ST18: variants seen among roughly 807,000 people sequenced by gnomAD.
ST18 encodes the protein suppression of tumorigenicity 18 protein.
In ST18, 50 loss-of-function variants were observed where a neutral mutation model predicts 110.0. The ratio of observed to expected loss-of-function variants is 0.45; its 90% CI spans 0.36 to 0.58. The LOEUF is 0.58. Ranked by LOEUF, ST18 falls within the 20% of genes least tolerant of loss-of-function variation. The pLI, the probability that ST18 is intolerant of heterozygous loss-of-function variation, is 0.00. For missense variants in ST18, 1,306 were observed against 1,280.1 expected, an observed-to-expected ratio of 1.02 and a Z score of -0.31; for synonymous variants, 461 against 452.4, an observed-to-expected ratio of 1.02 and a Z score of -0.24.
intron 2 of ST18, among the ~76,000 whole-genome samples, chr8:52,293,913 G>A (rs978302332): frequency 9.9e-5 from 15 of 152,146 alleles, no homozygotes; most frequent in African/African-American, 3.4e-4. Context: ...ATCTCAAAGT[G>A]GAGAAAGATG....
At chr8:52,260,342 G>A (rs2094648344) in intron 2 of ST18, among the ~76,000 whole-genome samples, 2 of 152,120 alleles carry the variant, frequency 1.3e-5, no homozygotes, top group South Asian at 4.1e-4. Context: ...GATGGATAAA[G>A]TTCTTGTTCT....
chr8:52,329,874 C>T (rs543916885), intron 2 of ST18, among the ~76,000 whole-genome samples: 1 of 152,328 alleles, frequency 6.6e-6, no homozygotes, highest in Non-Finnish European at 1.5e-5. Context: ...AATATCACTA[C>T]CTCCCCTTCT....
intron 2 of ST18, among the ~76,000 whole-genome samples, chr8:52,304,005 T>TTGGCAACTTACTC (rs1171978082): frequency 6.6e-6 from 1 of 152,182 alleles, no homozygotes; most frequent in Admixed American, 6.5e-5. Context: ...TTTGGGGTGG[T>TTGGCAACTTACTC]GGGGCATCAT....
chr8:52,152,633 T>C (rs557458290), intron 15 of ST18, among the ~76,000 whole-genome samples: 14 of 152,346 alleles, frequency 9.2e-5, no homozygotes, highest in African/African-American at 1.9e-4. Context: ...AGACACTATA[T>C]TCTAGGGAAA....
chr8:52,307,080 A>T (rs1430305871), intron 2 of ST18, among the ~76,000 whole-genome samples: 2 of 152,084 alleles, frequency 1.3e-5, no homozygotes, highest in African/African-American at 4.8e-5. Flanking sequence ...GCTACTTGGG[A>T]GGTCAAGGCA....
chr8:52,128,620 A>G (rs2048012871), intron 22 of ST18, among the ~76,000 whole-genome samples: 1 of 152,154 alleles, frequency 6.6e-6, no homozygotes, highest in Non-Finnish European at 1.5e-5. Flanking sequence ...ACGTCCTACA[A>G]AGTGTGTTTT....
At chr8:52,249,084 C>T (rs2094084519) in intron 2 of ST18, among the ~76,000 whole-genome samples, 1 of 152,130 alleles carries the variant, frequency 6.6e-6, no homozygotes, top group Admixed American at 6.6e-5. Flanking sequence ...GGCAAAAGCA[C>T]CATTTCTCCA....
chr8:52,168,186 G>C (rs2063628479), intron 10 of ST18, among the ~76,000 whole-genome samples: 1 of 150,212 alleles, frequency 6.7e-6, no homozygotes, highest in African/African-American at 2.5e-5. Flanking sequence ...CCCTCAGAGA[G>C]GGGCAATGCA....
intron 3 of ST18, among the ~76,000 whole-genome samples, chr8:52,229,147 A>G (rs978785554): frequency 1.3e-5 from 2 of 152,184 alleles, no homozygotes; most frequent in Non-Finnish European, 2.9e-5. Context: ...GAATTTACTC[A>G]TAGGATTCAG....
intron 2 of ST18, among the ~76,000 whole-genome samples, chr8:52,349,916 G>A (rs1819491608): frequency 6.6e-6 from 1 of 152,184 alleles, no homozygotes; most frequent in Admixed American, 6.5e-5. Context: ...GCCCCTAGCA[G>A]GGGCTGGAGC....
chr8:52,134,996 A>G (rs1185587247), intron 19 of ST18, among the ~76,000 whole-genome samples: 1 of 152,216 alleles, frequency 6.6e-6, no homozygotes, highest in African/African-American at 2.4e-5. Context: ...GAATATTCCT[A>G]TAGGATCTCT....
At chr8:52,283,861 A>T (rs1168292393) in intron 2 of ST18, among the ~76,000 whole-genome samples, 1 of 152,148 alleles carries the variant, frequency 6.6e-6, no homozygotes, top group East Asian at 1.9e-4. Flanking sequence ...GTGAATATGG[A>T]GGAGGAAGCA....
At chr8:52,151,197 C>A (rs902042503) in intron 15 of ST18, among the ~76,000 whole-genome samples, 7 of 152,040 alleles carry the variant, frequency 4.6e-5, no homozygotes, top group African/African-American at 7.3e-5. Context: ...AACAACCCCC[C>A]ACTCCCAACC....
chr8:52,125,475 G>T, intron 23 of ST18, among the ~76,000 whole-genome samples: 1 of 152,034 alleles, frequency 6.6e-6, no homozygotes, highest in Non-Finnish European at 1.5e-5. Flanking sequence ...TTCCACTAGT[G>T]TATCTTTGTT....
At chr8:52,348,811 G>A (rs1471146114) in intron 2 of ST18, among the ~76,000 whole-genome samples, 2 of 152,128 alleles carry the variant, frequency 1.3e-5, no homozygotes, top group Non-Finnish European at 2.9e-5. Context: ...ATTGTGAAAT[G>A]ACTAAATCTA....
chr8:52,178,364 A>C (rs770589140), intron 9 of ST18, among the ~76,000 whole-genome samples: 1 of 152,052 alleles, frequency 6.6e-6, no homozygotes, highest in Non-Finnish European at 1.5e-5. Flanking sequence ...ATGGTGGCTC[A>C]CACCTGTAAT....
intron 8 of ST18, among the ~76,000 whole-genome samples, chr8:52,195,869 T>A (rs116964201): frequency 0.04 from 6,154 of 152,312 alleles, 156 homozygotes; most frequent in East Asian, 0.083. Flanking sequence ...ATAAGAGCTG[T>A]GAAATGCCAC....
At chr8:52,334,982 G>GA (rs1811388690) in intron 2 of ST18, among the ~76,000 whole-genome samples, 1 of 152,180 alleles carries the variant, frequency 6.6e-6, no homozygotes, top group East Asian at 1.9e-4. Context: ...ACAATTTGTT[G>GA]AAAAAATAAC....
intron 2 of ST18, among the ~76,000 whole-genome samples, chr8:52,309,893 G>C (rs1378039532): frequency 6.6e-6 from 1 of 152,034 alleles, no homozygotes; most frequent in Non-Finnish European, 1.5e-5. Flanking sequence ...AGAAACAGAA[G>C]CATTTAATAC....
Sources: gnomAD v4.1 joint callset for allele counts (sites outside exome capture counted in the v4.1 genomes callset) on GRCh38, gnomAD v4.1.1 for gene constraint, MANE v1.5 for transcripts, NCBI Gene and HGNC (gene_info 2026-07-23, HGNC 2026-07-21) for gene names.